MICU1: variants seen among roughly 807,000 people sequenced by gnomAD.
The protein encoded by MICU1 is mitochondrial calcium uptake 1.
A neutral mutation model predicts 56.8 loss-of-function variants in MICU1; 45 were observed. That is an observed-to-expected ratio of 0.79 (90% confidence interval 0.62 to 1.02). The LOEUF is 1.02. Ranked by LOEUF, MICU1 falls within the 50% of genes least tolerant of loss-of-function variation. MICU1 has a pLI of 0.00. For missense variants in MICU1, 504 were observed against 587.1 expected, an observed-to-expected ratio of 0.86 and a Z score of 1.46; for synonymous variants, 186 against 195.1, an observed-to-expected ratio of 0.95 and a Z score of 0.39.
At chr10:72,483,604 C>T (rs1344388959) in intron 6 of MICU1, 1 of 152,602 alleles carries the variant, frequency 6.6e-6, no homozygotes, top group Non-Finnish European at 1.5e-5. Flanking sequence ...ATGGAGGAAG[C>T]ATGGCGGCCA....
At chr10:72,599,828 A>G (rs1392768372) in intron 1 of MICU1, among the ~76,000 whole-genome samples, 1 of 151,996 alleles carries the variant, frequency 6.6e-6, no homozygotes, top group Non-Finnish European at 1.5e-5. Flanking sequence ...ACAAACACAC[A>G]CTCTCAAAGT....
At chr10:72,600,296 A>C in intron 1 of MICU1, among the ~76,000 whole-genome samples, 1 of 26,630 alleles carries the variant, frequency 3.8e-5, no homozygotes, top group South Asian at 6.5e-4. Flanking sequence ...CCATCTCAAA[A>C]AAAAAAAAAA....
chr10:72,494,169 C>T (rs1011356769), intron 6 of MICU1, among the ~76,000 whole-genome samples: 4 of 152,140 alleles, frequency 2.6e-5, no homozygotes, highest in African/African-American at 7.2e-5. Flanking sequence ...GACAATTTAA[C>T]CTTAGGGCCG....
At chr10:72,549,426 A>G (rs548399256) in intron 4 of MICU1, among the ~76,000 whole-genome samples, 71 of 152,066 alleles carry the variant, frequency 4.7e-4, no homozygotes, top group Middle Eastern at 3.4e-3. Flanking sequence ...CCTGAGCTCA[A>G]ATAATCTGTC....
At chr10:72,513,592 T>C (rs1409666016) in intron 5 of MICU1, among the ~76,000 whole-genome samples, 1 of 152,190 alleles carries the variant, frequency 6.6e-6, no homozygotes, top group African/African-American at 2.4e-5. Context: ...TATTTGTGCT[T>C]TTGATGTTAT....
At chr10:72,519,395 C>A (rs1175555819) in intron 5 of MICU1, among the ~76,000 whole-genome samples, 2 of 152,188 alleles carry the variant, frequency 1.3e-5, no homozygotes, top group African/African-American at 4.8e-5. Context: ...GTATTGATCT[C>A]AACTGCACCA....
chr10:72,480,666 G>A (rs1018995465), intron 6 of MICU1, among the ~76,000 whole-genome samples: 1 of 152,224 alleles, frequency 6.6e-6, no homozygotes, highest in African/African-American at 2.4e-5. Flanking sequence ...CATTTGATAA[G>A]AGCGAAGTCA....
At chr10:72,526,228 C>T (rs1867958115) in intron 5 of MICU1, among the ~76,000 whole-genome samples, 1 of 152,090 alleles carries the variant, frequency 6.6e-6, no homozygotes, top group Non-Finnish European at 1.5e-5. Flanking sequence ...AAAAATAAAA[C>T]AAAATTCCAG....
chr10:72,491,802 T>A (rs80300736), intron 6 of MICU1, among the ~76,000 whole-genome samples: 2 of 152,136 alleles, frequency 1.3e-5, no homozygotes, highest in Non-Finnish European at 2.9e-5. Context: ...CCTTTTTTTT[T>A]AATTTCTGCG....
At chr10:72,521,367 CCATTAAAGACAA>C (rs1445022844) in intron 5 of MICU1, among the ~76,000 whole-genome samples, 1 of 151,894 alleles carries the variant, frequency 6.6e-6, no homozygotes, top group Non-Finnish European at 1.5e-5. Flanking sequence ...GCACCAATGA[CCATTAAAGACAA>C]CATTAAAGAC....
intron 1 of MICU1, among the ~76,000 whole-genome samples, chr10:72,583,891 A>C (rs1840973646): frequency 6.6e-6 from 1 of 152,252 alleles, no homozygotes; most frequent in Non-Finnish European, 1.5e-5. Flanking sequence ...CATTAGTGAC[A>C]CAATAAATGA....
At chr10:72,471,543 C>A (rs1016316646) in intron 8 of MICU1, among the ~76,000 whole-genome samples, 1 of 151,716 alleles carries the variant, frequency 6.6e-6, no homozygotes, top group Non-Finnish European at 1.5e-5. Context: ...TCTGGTTGAC[C>A]CTGTATGTTT....
intron 1 of MICU1, among the ~76,000 whole-genome samples, chr10:72,599,434 A>G (rs919690940): frequency 2.0e-5 from 3 of 152,028 alleles, no homozygotes; most frequent in African/African-American, 7.3e-5. Flanking sequence ...GAACCATGCA[A>G]CTCCATCCCA....
intron 2 of MICU1, among the ~76,000 whole-genome samples, chr10:72,565,909 C>T (rs78200007): frequency 0.021 from 3,256 of 152,152 alleles, 117 homozygotes; most frequent in African/African-American, 0.075. Flanking sequence ...TGGCTCACTA[C>T]ATTTTCTCTT....
chr10:72,577,838 A>G (rs1201460856), intron 1 of MICU1, among the ~76,000 whole-genome samples: 1 of 152,204 alleles, frequency 6.6e-6, no homozygotes, highest in Admixed American at 6.5e-5. Context: ...ACATGGATGA[A>G]CTTTGTTCTT....
rs189392222 is a variant in MICU1, at chr10:72,496,197, G to A, written c.652+11958C>T. ...GGCTGGAGTGCAGTGGCACAATCTC[G>A]GTTCACTGCAACTGCCACCTCCCAG... On this transcript the variant is annotated intron_variant, in intron 6 of 11. Transcript: ENST00000361114. 3.7e-4 allele frequency among the ~76,000 whole-genome samples: 57 copies of A among 152,090 alleles called. 2 individuals are homozygous for A. Among genetic ancestry groups the A allele is most frequent in the Middle Eastern group, 6.8e-3 (2 of 294 alleles).
chr10:72,484,601 G>A (rs891085293), intron 6 of MICU1, among the ~76,000 whole-genome samples: 5 of 152,176 alleles, frequency 3.3e-5, no homozygotes, highest in Admixed American at 6.6e-5. Context: ...AGTGGCTCAT[G>A]CCTGCAATCC....
intron 8 of MICU1, among the ~76,000 whole-genome samples, chr10:72,469,766 A>G (rs1820852751): frequency 6.6e-6 from 1 of 152,148 alleles, no homozygotes; most frequent in Admixed American, 6.5e-5. Flanking sequence ...ACTTTTTCTC[A>G]TAGTTCTGGA....
chr10:72,377,461 A>T (rs1462284588), intron 10 of MICU1, among the ~76,000 whole-genome samples: 3 of 152,158 alleles, frequency 2.0e-5, no homozygotes, highest in African/African-American at 7.2e-5. Context: ...TCTTTTAAAA[A>T]ATATATATTT....
Sources: gnomAD v4.1 joint callset for allele counts (sites outside exome capture counted in the v4.1 genomes callset) on GRCh38, gnomAD v4.1.1 for gene constraint, MANE v1.5 for transcripts, NCBI Gene and HGNC (gene_info 2026-07-23, HGNC 2026-07-21) for gene names.